The following SFMBT2 variants were observed in gnomAD, a reference collection of about 807,000 sequenced individuals.
SFMBT2 encodes the protein Scm like with four mbt domains 2, also known as scm-like with four MBT domains protein 2.
In SFMBT2, 38 loss-of-function variants were observed where a neutral mutation model predicts 110.1. The observed-to-expected ratio is 0.35, with a 90% CI of 0.27 to 0.45. The LOEUF (loss-of-function observed/expected upper bound fraction) is 0.45. SFMBT2 is among the 20% of genes least tolerant of loss of function. The probability of loss-of-function intolerance (pLI) is 1.00; values close to 1 mark genes in which losing one functional copy is unlikely to be tolerated. For missense variants in SFMBT2, 1,011 were observed against 1,094.9 expected (o/e 0.92, Z 1.08); for synonymous variants, 425 against 425.4 (o/e 1.00, Z 0.01).
intron 4 of SFMBT2, chr10:7,329,418 C>T: frequency 1.0e-6 from 1 of 984,760 alleles, no homozygotes; most frequent in South Asian, 4.7e-5. Flanking sequence ...AGCACGGGTG[C>T]TAAAGACATC....
intron 9 of SFMBT2, among the ~76,000 whole-genome samples, chr10:7,228,997 A>G (rs926525877): frequency 2.6e-5 from 4 of 152,114 alleles, no homozygotes; most frequent in African/African-American, 9.7e-5. Flanking sequence ...AGGCAAGGAA[A>G]AAGGAGTGAG....
intron 4 of SFMBT2, among the ~76,000 whole-genome samples, chr10:7,340,581 A>G (rs1843863445): frequency 6.7e-6 from 1 of 150,276 alleles, no homozygotes; most frequent in Non-Finnish European, 1.5e-5. Context: ...TGAGCCCAGG[A>G]AGTGGAGGCT....
chr10:7,229,715 TTTG>T (rs201440255), intron 9 of SFMBT2, among the ~76,000 whole-genome samples: 5 of 135,756 alleles, frequency 3.7e-5, no homozygotes, highest in African/African-American at 8.4e-5. Flanking sequence ...TATCCTATTT[TTTG>T]TTGTTGTTGT....
intron 7 of SFMBT2, among the ~76,000 whole-genome samples, chr10:7,251,282 T>C (rs1252707555): frequency 2.0e-5 from 3 of 151,894 alleles, no homozygotes; most frequent in Non-Finnish European, 4.4e-5. Context: ...GAGACCAGCC[T>C]GGCCAATAAG....
chr10:7,283,874 CT>C, intron 6 of SFMBT2, 29 bp downstream of exon 6: 1 of 1,448,136 alleles, frequency 6.9e-7, no homozygotes, highest in Non-Finnish European at 9.7e-7. Context: ...TTCTAAAATA[CT>C]TTACAGCAGC....
intron 11 of SFMBT2, among the ~76,000 whole-genome samples, chr10:7,211,358 G>A (rs1290543323): frequency 1.4e-4 from 22 of 152,148 alleles, no homozygotes; most frequent in Admixed American, 1.4e-3. Context: ...CAGTGAGAAT[G>A]TGCTCACCGG....
chr10:7,282,658 T>C (rs1340692440), intron 6 of SFMBT2, among the ~76,000 whole-genome samples: 1 of 152,140 alleles, frequency 6.6e-6, no homozygotes, highest in Non-Finnish European at 1.5e-5. Flanking sequence ...TCTAAGCCTG[T>C]CAAACTTAAT....
chr10:7,203,693 G>A (rs1264375962), intron 12 of SFMBT2: 1 of 984,556 alleles, frequency 1.0e-6, no homozygotes, highest in Non-Finnish European at 1.2e-6. Flanking sequence ...GGCCATGCTG[G>A]CTGAGCAAGG....
At chr10:7,311,552 C>A (rs542819430) in intron 4 of SFMBT2, among the ~76,000 whole-genome samples, 3 of 152,226 alleles carry the variant, frequency 2.0e-5, no homozygotes, top group African/African-American at 7.2e-5. Context: ...TGCCAGCAGT[C>A]GCTCAGCTAC....
chr10:7,339,662 A>G (rs1241295921), intron 4 of SFMBT2, among the ~76,000 whole-genome samples: 1 of 152,230 alleles, frequency 6.6e-6, no homozygotes, highest in Admixed American at 6.5e-5. Flanking sequence ...GACAGATTTC[A>G]CAGGGACTGA....
In SFMBT2 at chr10:7,392,983, TTATATATATATATATATATA is replaced by T. The variant is rs760008467; in HGVS notation, c.-51-11054_-51-11035del. On this transcript the variant is annotated intron_variant, in intron 1 of 20. Transcript: ENST00000397167. The stretch of plus-strand genomic sequence containing the variant: ...CTATATATACAAGTATGTGGATAGA[TTATATATATATATATATATA>T]TATATATATATATATATATATATAT... Among the ~76,000 whole-genome samples, 363 of 59,950 alleles carry T rather than the reference TTATATATATATATATATATA, an allele frequency of 6.1e-3. 7 individuals are homozygous for T. The highest frequency in any genetic ancestry group is 0.021 in the Middle Eastern group (2 of 94). 39.3% of individuals were successfully genotyped at this position (59,950 alleles called of 152,430 possible). A position where few individuals can be genotyped will look rare whatever the true frequency, so the allele number is the denominator to read the frequency against.
intron 1 of SFMBT2, among the ~76,000 whole-genome samples, chr10:7,394,066 G>A (rs1449274670): frequency 6.6e-6 from 1 of 151,748 alleles, no homozygotes; most frequent in East Asian, 1.9e-4. Context: ...GCAGTGCTTC[G>A]ATCTCGGCTC....
At chr10:7,184,022 A>C (rs1838322115) in intron 16 of SFMBT2, among the ~76,000 whole-genome samples, 1 of 152,300 alleles carries the variant, frequency 6.6e-6, no homozygotes, top group South Asian at 2.1e-4. Context: ...GAGTGGAGGC[A>C]AAGTTTTTCC....
At chr10:7,300,506 A>C (rs1842528007) in intron 4 of SFMBT2, among the ~76,000 whole-genome samples, 1 of 152,184 alleles carries the variant, frequency 6.6e-6, no homozygotes, top group Non-Finnish European at 1.5e-5. Flanking sequence ...GTGTGCCTGC[A>C]GTTCACACTG....
At chr10:7,228,733 TTCCTTTCTC>T (rs1564395357) in intron 9 of SFMBT2, among the ~76,000 whole-genome samples, 767 of 69,510 alleles carry the variant, frequency 0.011, 1 homozygote, top group Admixed American at 0.018. Flanking sequence ...CTTTCTTTCT[TTCCTTTCTC>T]TCTCTCTCTC....
intron 20 of SFMBT2, among the ~76,000 whole-genome samples, chr10:7,166,911 C>T (rs1199887290): frequency 1.3e-5 from 2 of 152,184 alleles, no homozygotes; most frequent in Admixed American, 1.3e-4. Context: ...TAACAGCATA[C>T]CTCACAGGTG....
intron 2 of SFMBT2, among the ~76,000 whole-genome samples, chr10:7,373,289 G>A (rs550333410): frequency 7.2e-5 from 11 of 152,300 alleles, no homozygotes; most frequent in South Asian, 2.1e-4. Context: ...TGCCAAGAGC[G>A]GGAACAGCCT....
At chr10:7,181,474 T>A (rs1203761952) in intron 16 of SFMBT2, among the ~76,000 whole-genome samples, 2 of 152,186 alleles carry the variant, frequency 1.3e-5, no homozygotes, top group East Asian at 3.8e-4. Context: ...CCCAAATCAA[T>A]CAGGAGAATG....
chr10:7,317,136 C>T, intron 4 of SFMBT2, among the ~76,000 whole-genome samples: 1 of 152,114 alleles, frequency 6.6e-6, no homozygotes, highest in East Asian at 1.9e-4. Flanking sequence ...CTCGTGCCCC[C>T]TCCCCCAGGG....
Sources: gnomAD v4.1 joint callset for allele counts (sites outside exome capture counted in the v4.1 genomes callset) on GRCh38, gnomAD v4.1.1 for gene constraint, MANE v1.5 for transcripts, NCBI Gene and HGNC (gene_info 2026-07-23, HGNC 2026-07-21) for gene names.